Variants in LUC7L observed in about 807,000 individuals in gnomAD.
LUC7L encodes putative RNA-binding protein Luc7-like 1.
Under a neutral mutation model 51.1 loss-of-function variants are expected in LUC7L, and 29 were observed. That is an observed-to-expected ratio of 0.57 (90% CI 0.42 to 0.77). The LOEUF (loss-of-function observed/expected upper bound fraction) is 0.77. Among genes scored for constraint, LUC7L ranks in the 30% least tolerant of loss-of-function variants. LUC7L has a pLI of 0.00. For synonymous variants in LUC7L, 181 were observed against 180.7 expected, an observed-to-expected ratio of 1.00 and a Z score of -0.01; for missense variants, 403 against 511.9, an observed-to-expected ratio of 0.79 and a Z score of 2.05.
chr16:220,750 G>T lies in LUC7L; in HGVS notation c.157-3C>A. 6.2e-7 allele frequency: 1 copy of T among 1,610,104 alleles called. No homozygotes were observed. Among genetic ancestry groups the T allele is most frequent in the Non-Finnish European group, 8.5e-7 (1 of 1,176,914 alleles). On this transcript the variant is annotated splice_polypyrimidine_tract_variant and splice_region_variant and intron_variant, in intron 2 of 9. Transcript: ENST00000293872. ...GTACATTCTCCTAAATCCATGCGCT[G>T]TGGGAAAGAAACAGAAAATGCAGAC...
chr16:227,400 G>C lies in LUC7L; in HGVS notation c.62-64C>G, dbSNP rs188132769. 2.4e-5 allele frequency: 37 copies of C among 1,542,536 alleles called. 1 individual carries two copies. In the African/African-American group the frequency reaches 3.8e-4, roughly 16 times the overall value. On this transcript the variant is annotated intron_variant, in intron 1 of 9. Transcript: ENST00000293872. ...CACATTAACCACCAAAAAATAACTA[G>C]TATAACAATTCACCTGGATGATTTG...
At chr16:216,640 G>A (rs1189125680) in intron 3 of LUC7L, among the ~76,000 whole-genome samples, 2 of 151,900 alleles carry the variant, frequency 1.3e-5, no homozygotes, top group Non-Finnish European at 1.5e-5. Flanking sequence ...TCGGCCTCCC[G>A]AAGTGCTGAG....
intron 5 of LUC7L, among the ~76,000 whole-genome samples, chr16:201,242 T>TAAAAAAAAAAAAAAAAA (rs764945208): frequency 2.5e-5 from 2 of 78,520 alleles, no homozygotes; most frequent in Non-Finnish European, 2.3e-5. Flanking sequence ...GCTACATAAC[T>TAAAAAAAAAAAAAAAAA]AAAAAAAAAA....
intron 4 of LUC7L, 55 bp from the exon 5 acceptor site, chr16:206,202 AGGCAAC>A: frequency 3.2e-6 from 5 of 1,551,148 alleles, no homozygotes; most frequent in Non-Finnish European, 4.4e-6. Context: ...GTGAATGCAA[AGGCAAC>A]AAGGGTTTCT....
chr16:229,145 C>CGGAGCGCGGGGGAGGA, intron 1 of LUC7L, 134 bp downstream of exon 1: 3 of 1,412,452 alleles, frequency 2.1e-6, no homozygotes, highest in Non-Finnish European at 2.7e-6. Context: ...CGCCTGCGGT[C>CGGAGCGCGGGGGAGGA]GGAGCGCGGG....
At chr16:200,804 C>G (rs925610731) in intron 5 of LUC7L, among the ~76,000 whole-genome samples, 1 of 151,204 alleles carries the variant, frequency 6.6e-6, no homozygotes, top group Non-Finnish European at 1.5e-5. Flanking sequence ...ACTGCTTGAG[C>G]CCAGGAGGTT....
At chr16:229,142 G>C in intron 1 of LUC7L, 137 bp downstream of exon 1, 1 of 1,411,116 alleles carries the variant, frequency 7.1e-7, no homozygotes, top group Non-Finnish European at 9.1e-7. Context: ...CGGCGCCTGC[G>C]GTCGGAGCGC....
chr16:222,850 G>A (rs1240656858), intron 2 of LUC7L, among the ~76,000 whole-genome samples: 2 of 149,092 alleles, frequency 1.3e-5, no homozygotes, highest in South Asian at 2.1e-4. Context: ...GGCTGGTCTC[G>A]AACTGCTGAC....
intron 9 of LUC7L, chr16:189,668 G>T: frequency 7.5e-7 from 1 of 1,330,110 alleles, no homozygotes; most frequent in South Asian, 2.4e-5. Flanking sequence ...CCAAAACAGA[G>T]GTAAGCAGGG....
Position 229,385 on chromosome 16 carries a change from G to T in LUC7L, c.-46C>A, listed in dbSNP as rs1168970295. 4.9e-6 allele frequency: 7 copies of T among 1,429,244 alleles called. No individual in the cohort carries two copies. Among genetic ancestry groups the T allele is most frequent in the Non-Finnish European group, 6.5e-6 (7 of 1,082,690 alleles). 88.5% of individuals were successfully genotyped at this position (1,429,244 alleles called of 1,614,324 possible). A position where few individuals can be genotyped will look rare whatever the true frequency, so the allele number is the denominator to read the frequency against. ...GGGTCGGCCGCGACGACTTCTCTCA[G>T]GCAGGCGGTGGCAGCGGCGTCGACA... On this transcript the variant is annotated 5_prime_UTR_variant, in exon 1 of 10. In the 5' UTR this introduces an upstream ATG that the reference lacks. Coordinates refer to ENST00000293872, the MANE Select transcript of LUC7L (RefSeq NM_201412.3).
chr16:197,893 G>A (rs1345773912), intron 6 of LUC7L, among the ~76,000 whole-genome samples: 1 of 152,136 alleles, frequency 6.6e-6, no homozygotes, highest in East Asian at 1.9e-4. Context: ...TGCGGTAAGG[G>A]GGGCTCCATC....
intron 1 of LUC7L, chr16:228,617 GTA>G (rs2050185423): frequency 1.1e-5 from 13 of 1,186,708 alleles, no homozygotes; most frequent in Non-Finnish European, 1.4e-5. Flanking sequence ...ACCACAGCAG[GTA>G]TATAGTTTTG....
At chr16:196,845 G>C (rs1432040823) in intron 6 of LUC7L, among the ~76,000 whole-genome samples, 5 of 150,986 alleles carry the variant, frequency 3.3e-5, no homozygotes, top group Non-Finnish European at 7.4e-5. Flanking sequence ...ATTTTTAATA[G>C]AGTGGTAAAT....
chr16:221,081 G>A (rs1199025093), intron 2 of LUC7L, among the ~76,000 whole-genome samples: 5 of 151,774 alleles, frequency 3.3e-5, no homozygotes, highest in East Asian at 1.9e-4. Context: ...GTACAGTGGC[G>A]CGACCTCAGC....
chr16:219,972 T>G (rs1317806092), intron 3 of LUC7L, among the ~76,000 whole-genome samples: 1 of 152,092 alleles, frequency 6.6e-6, no homozygotes, highest in Admixed American at 6.6e-5. Context: ...TTACAACCAC[T>G]AAACTGCAAA....
chr16:191,441 A>G (rs770965885), intron 7 of LUC7L, among the ~76,000 whole-genome samples: 14 of 152,202 alleles, frequency 9.2e-5, no homozygotes, highest in Non-Finnish European at 1.5e-4. Context: ...TGGCCTAAAC[A>G]TGACAGTGCA....
intron 5 of LUC7L, among the ~76,000 whole-genome samples, chr16:204,329 G>A (rs979755782): frequency 2.0e-5 from 3 of 151,022 alleles, no homozygotes; most frequent in Non-Finnish European, 4.4e-5. Context: ...GAGCATGGTG[G>A]CTCACTCCTG....
chr16:200,772 C>T (rs1163824359), intron 5 of LUC7L, among the ~76,000 whole-genome samples: 3 of 151,874 alleles, frequency 2.0e-5, no homozygotes, highest in Middle Eastern at 3.2e-3. Flanking sequence ...GTCCCACCTA[C>T]TCAAGAGACT....
intron 3 of LUC7L, among the ~76,000 whole-genome samples, chr16:216,522 A>G (rs1197160802): frequency 6.6e-6 from 1 of 151,468 alleles, no homozygotes; most frequent in Non-Finnish European, 1.5e-5. Flanking sequence ...AGCTGGGACT[A>G]CAGGTGCCCA....
Sources: gnomAD v4.1 joint callset for allele counts (sites outside exome capture counted in the v4.1 genomes callset) on GRCh38, gnomAD v4.1.1 for gene constraint, MANE v1.5 for transcripts, NCBI Gene and HGNC (gene_info 2026-07-23, HGNC 2026-07-21) for gene names.